The following FBXO31 variants were observed in gnomAD, a reference collection of about 807,000 sequenced individuals.
FBXO31 encodes the protein F-box only protein 31.
FBXO31 carries 24 observed loss-of-function variants against 54.4 expected under a neutral mutation model. The observed-to-expected ratio is 0.44, with a 90% confidence interval of 0.32 to 0.62. FBXO31 has a LOEUF of 0.62. FBXO31 is among the 20% of genes least tolerant of loss of function. The pLI, the probability that FBXO31 is intolerant of heterozygous loss-of-function variation, is 0.05. For missense variants in FBXO31, 665 were observed against 787.1 expected (o/e 0.84, Z 1.86); for synonymous variants, 388 against 335.6 (o/e 1.16, Z -1.71).
upstream of FBXO31, chr16:87,390,050 G>A (rs2150705871): frequency 6.6e-6 from 1 of 152,404 alleles, no homozygotes; most frequent in Non-Finnish European, 1.5e-5. Context: ...GGAGGCCAAG[G>A]CGTGTGGATC....
At chr16:87,360,408 CAT>C in intron 1 of FBXO31, 42 bp from the exon 2 acceptor site, 1 of 1,577,320 alleles carries the variant, frequency 6.3e-7, no homozygotes, top group South Asian at 1.1e-5. Context: ...ATCAACAACT[CAT>C]AACGCGACAG....
In FBXO31 at chr16:87,345,790, C is replaced by T. The variant is rs1905359249; in HGVS notation, c.489+1384G>A. ...GAGGCGAGGGGCAGGGCCTTCTCCC[C>T]CCTTCCTGAGGCCACTGACCACTGG... is the stretch of plus-strand genomic sequence containing the variant. On this transcript the variant is annotated intron_variant, in intron 3 of 8. Transcript: ENST00000311635. This position sits in a 1 kb window ranked among gnomAD's most constrained non-coding sequence, Gnocchi z 4.9. Among the ~76,000 whole-genome samples, 1 of 152,218 alleles carries T rather than the reference C, an allele frequency of 6.6e-6. No individual in the cohort carries two copies. Among genetic ancestry groups the T allele is most frequent in the African/African-American group, 2.4e-5 (1 of 41,452 alleles).
chr16:87,350,069 C>T (rs570556126), intron 2 of FBXO31, among the ~76,000 whole-genome samples: 2 of 152,274 alleles, frequency 1.3e-5, no homozygotes, highest in South Asian at 2.1e-4. Flanking sequence ...TGCTGTCCTG[C>T]ACCTGTATCT....
intron 1 of FBXO31, among the ~76,000 whole-genome samples, chr16:87,360,949 C>T (rs906827048): frequency 2.0e-5 from 3 of 152,236 alleles, no homozygotes; most frequent in Admixed American, 1.3e-4. Flanking sequence ...CACACCCTCA[C>T]CTGCTGACAG....
intron 2 of FBXO31, among the ~76,000 whole-genome samples, chr16:87,350,156 C>T (rs373525829): frequency 5.3e-5 from 8 of 151,890 alleles, no homozygotes; most frequent in Admixed American, 1.3e-4. Context: ...ATGGGGGTTT[C>T]GGAGCACTGG....
At chr16:87,365,010 A>ATATATATATATATATATATAT (rs1906293303) in intron 1 of FBXO31, among the ~76,000 whole-genome samples, 1 of 47,684 alleles carries the variant, frequency 2.1e-5, no homozygotes, top group African/African-American at 1.0e-4. Context: ...CCGTCTCTTA[A>ATATATATATATATATATATAT]ATATATATAT....
At position 87,346,675 on chromosome 16, in the gene FBXO31, G is replaced by T. The variant is rs1905400826; in HGVS notation, c.489+499C>A. ...ACTTTCTAGCAGGGGCCAGCCACCT[G>T]CCCAGAGCTCAACAAAGTCAGAGCA... On this transcript the variant is annotated intron_variant, in intron 3 of 8. Coordinates refer to ENST00000311635, the MANE Select transcript of FBXO31 (RefSeq NM_024735.5). The surrounding 1 kb of genome is among the most constrained non-coding windows in gnomAD (Gnocchi z 4.2). Among the ~76,000 whole-genome samples, 1 of 152,210 alleles carries T rather than the reference G, an allele frequency of 6.6e-6. No homozygotes were observed. Among genetic ancestry groups the T allele is most frequent in the Admixed American group, 6.5e-5 (1 of 15,292 alleles).
intron 1 of FBXO31, among the ~76,000 whole-genome samples, chr16:87,363,215 T>A (rs893197621): frequency 2.0e-5 from 3 of 152,028 alleles, no homozygotes; most frequent in African/African-American, 4.8e-5. Context: ...AGAAACCCCG[T>A]CTCTACTGAA....
chr16:87,331,946 A>C (rs922960131), intron 8 of FBXO31, among the ~76,000 whole-genome samples: 23 of 152,370 alleles, frequency 1.5e-4, no homozygotes, highest in Non-Finnish European at 1.6e-4. Context: ...TTATGTCCCC[A>C]TACAATTAGC....
At chr16:87,380,166 CGG>C (rs1907012405) in intron 1 of FBXO31, among the ~76,000 whole-genome samples, 1 of 150,784 alleles carries the variant, frequency 6.6e-6, no homozygotes, top group East Asian at 2.0e-4. Context: ...GGCATAGTGG[CGG>C]GCGCCTGTAG....
At chr16:87,352,585 C>A (rs897111093) in intron 2 of FBXO31, among the ~76,000 whole-genome samples, 1 of 152,176 alleles carries the variant, frequency 6.6e-6, no homozygotes, top group Admixed American at 6.5e-5. Flanking sequence ...CCAGACACGA[C>A]AGGTGTGGGA....
rs1309299721 is a variant in FBXO31 at position 87,346,143 on chromosome 16, C to A, written c.489+1031G>T. ...GGCTGGGCCCTACAGAGGGTTGTGT[C>A]CTGGGAAGGAGAGAGACCCGGAATG... On this transcript the variant is annotated intron_variant, in intron 3 of 8. Transcript: ENST00000311635. The surrounding 1 kb of genome is among the most constrained non-coding windows in gnomAD (Gnocchi z 4.2). Among the ~76,000 whole-genome samples the A allele has an allele frequency of 6.6e-6, 1 of 152,184 alleles. No individual in the cohort carries two copies. Among genetic ancestry groups the A allele is most frequent in the Non-Finnish European group, 1.5e-5 (1 of 68,036 alleles).
At chr16:87,378,839 G>A (rs1443612669) in intron 1 of FBXO31, among the ~76,000 whole-genome samples, 3 of 151,874 alleles carry the variant, frequency 2.0e-5, no homozygotes, top group African/African-American at 7.3e-5. Flanking sequence ...GCGGGCGCCT[G>A]TAGTCCCAGC....
intron 1 of FBXO31, among the ~76,000 whole-genome samples, chr16:87,377,800 GC>G (rs769205733): frequency 6.6e-6 from 1 of 151,432 alleles, no homozygotes; most frequent in Non-Finnish European, 1.5e-5. Flanking sequence ...CTACACTCTA[GC>G]CTGGGTGACA....
chr16:87,354,885 TTGAACC>T (rs1258439309), intron 2 of FBXO31, among the ~76,000 whole-genome samples: 7 of 151,916 alleles, frequency 4.6e-5, no homozygotes, highest in Admixed American at 4.6e-4. Context: ...AGAGAGTCAC[TTGAACC>T]GGGAGGTGGA....
intron 1 of FBXO31, among the ~76,000 whole-genome samples, chr16:87,381,928 C>A (rs569266140): frequency 6.6e-6 from 1 of 151,814 alleles, no homozygotes; most frequent in Admixed American, 6.6e-5. Context: ...GAGGCTGATG[C>A]GGGAGAATCA....
At chr16:87,344,641 GT>G (rs1189899336) in intron 3 of FBXO31, among the ~76,000 whole-genome samples, 59 of 147,184 alleles carry the variant, frequency 4.0e-4, no homozygotes, top group South Asian at 4.3e-4. Flanking sequence ...GTTTTTTGGG[GT>G]TTTTTTTTTT....
chr16:87,359,175 T>A (rs1906026081), intron 2 of FBXO31, among the ~76,000 whole-genome samples: 1 of 152,254 alleles, frequency 6.6e-6, no homozygotes, highest in African/African-American at 2.4e-5. Context: ...ACAGATCATG[T>A]GAATTCTCCG....
chr16:87,361,367 C>T (rs565343137), intron 1 of FBXO31, among the ~76,000 whole-genome samples: 3 of 152,340 alleles, frequency 2.0e-5, no homozygotes, highest in African/African-American at 4.8e-5. Context: ...AAGCTTCCTT[C>T]GCAGTGAGAA....
Sources: gnomAD v4.1 joint callset for allele counts (sites outside exome capture counted in the v4.1 genomes callset) on GRCh38, gnomAD v4.1.1 for gene constraint, Gnocchi (gnomAD v3.1) non-coding constraint, MANE v1.5 for transcripts, NCBI Gene and HGNC (gene_info 2026-07-23, HGNC 2026-07-21) for gene names.